UNC5B: variants seen among roughly 807,000 people sequenced by gnomAD.
UNC5B encodes the protein netrin receptor UNC5B.
Under a neutral mutation model 103.7 loss-of-function variants are expected in UNC5B, and 56 were observed. That is an observed-to-expected ratio of 0.54 (90% CI 0.44 to 0.67). The LOEUF (loss-of-function observed/expected upper bound fraction) is 0.67, where lower values mean the gene tolerates loss of function less well. Among genes scored for constraint, UNC5B ranks in the 30% least tolerant of loss-of-function variants. The probability of loss-of-function intolerance (pLI) is 0.00; values close to 1 mark genes in which losing one functional copy is unlikely to be tolerated. For missense variants in UNC5B, 1,194 were observed against 1,284.5 expected, an observed-to-expected ratio of 0.93 and a Z score of 1.08; for synonymous variants, 577 against 542.0, an observed-to-expected ratio of 1.06 and a Z score of -0.90.
At chr10:71,290,311 G>A (rs903531980) in intron 8 of UNC5B, among the ~76,000 whole-genome samples, 2 of 152,224 alleles carry the variant, frequency 1.3e-5, no homozygotes, top group East Asian at 3.9e-4. Context: ...GGGGAGGAAA[G>A]TGTAGCCGTG....
intron 1 of UNC5B, among the ~76,000 whole-genome samples, chr10:71,226,371 A>C (rs1843564767): frequency 6.6e-6 from 1 of 152,220 alleles, no homozygotes; most frequent in Non-Finnish European, 1.5e-5. Flanking sequence ...CACCTCGCCC[A>C]GCCCATAAGC....
At chr10:71,273,243 A>G (rs1844689296) in intron 1 of UNC5B, among the ~76,000 whole-genome samples, 1 of 152,254 alleles carries the variant, frequency 6.6e-6, no homozygotes, top group Admixed American at 6.5e-5. Flanking sequence ...GACCTTTCAC[A>G]GCAATACCCC....
rs112205244 is a variant in UNC5B at position 71,291,614 on chromosome 10, G to A, written c.1477G>A (p.Gly493Arg). 42 of 1,614,068 alleles carry A rather than the reference G, an allele frequency of 2.6e-5. No individual in the cohort carries two copies. In the African/African-American group the frequency reaches 4.1e-4, roughly 16 times the overall value. ...CTACAGCTCCAGCACCACGGGCTCTGGGCCAGGCCTGGCAGATGGGGCTGA... is the reference window on the plus strand; with the variant it reads ...CTACAGCTCCAGCACCACGGGCTCTAGGCCAGGCCTGGCAGATGGGGCTGA... ...KVYSSSTTGS[G>R]PGLADGADLL... The change falls in exon 10 of 17, where the codon GGG becomes AGG. Residue 493 changes from glycine (G) to arginine (R), a missense_variant. Gly to Arg is a moderately radical substitution (Grantham distance 125). Coordinates refer to ENST00000335350, the MANE Select transcript of UNC5B (RefSeq NM_170744.5).
chr10:71,226,719 T>C (rs1843571563), intron 1 of UNC5B, among the ~76,000 whole-genome samples: 4 of 152,240 alleles, frequency 2.6e-5, no homozygotes, highest in Admixed American at 6.5e-5. Flanking sequence ...CAAGAGTGGT[T>C]CCAAATGAAT....
intron 1 of UNC5B, among the ~76,000 whole-genome samples, chr10:71,237,449 T>C (rs1306942532): frequency 6.6e-6 from 1 of 152,226 alleles, no homozygotes; most frequent in Non-Finnish European, 1.5e-5. Flanking sequence ...TTGGTTAGCC[T>C]GGGTCTGAAA....
intron 5 of UNC5B, 80 bp downstream of exon 5, chr10:71,286,949 A>T (rs1845105199): frequency 1.3e-6 from 2 of 1,542,466 alleles, no homozygotes; most frequent in East Asian, 4.5e-5. Flanking sequence ...GGACCCCTGG[A>T]TTGGTAGGGA....
rs370515915 is a variant in UNC5B at position 71,295,860 on chromosome 10, C to T, written c.2225C>T (p.Pro742Leu). The change falls in exon 14 of 17, where the codon CCG becomes CTG. Residue 742 changes from proline to leucine, a missense_variant. Coordinates refer to ENST00000335350, the MANE Select transcript of UNC5B (RefSeq NM_170744.5). ...CTGGGCGGATACTTGGTGGAGGAGCCGAAACCGCTAATGTTCAAGGACAGT... is the reference window on the plus strand; with the variant it reads ...CTGGGCGGATACTTGGTGGAGGAGCTGAAACCGCTAATGTTCAAGGACAGT... ...RTLGGYLVEE[P>L]KPLMFKDSYH... 2.6e-5 allele frequency: 42 copies of T among 1,613,096 alleles called. 1 individual carries two copies. The highest frequency in any genetic ancestry group is 1.9e-4 in the Middle Eastern group (1 of 5,152).
intron 11 of UNC5B, 43 bp from the exon 12 acceptor site, chr10:71,293,362 C>G (rs368024518): frequency 5.1e-6 from 8 of 1,568,338 alleles, no homozygotes; most frequent in Non-Finnish European, 6.9e-6. Flanking sequence ...GCACCTTTGC[C>G]GAGCTCTTCA....
intron 1 of UNC5B, among the ~76,000 whole-genome samples, chr10:71,251,875 C>T (rs1564716999): frequency 6.6e-6 from 1 of 152,198 alleles, no homozygotes; most frequent in African/African-American, 2.4e-5. Flanking sequence ...GAGATGTATA[C>T]CTCAAGTCAT....
chr10:71,297,942 G>C lies in UNC5B; in HGVS notation c.2524G>C (p.Ala842Pro). 6.2e-7 allele frequency: 1 copy of C among 1,613,694 alleles called. No homozygotes were observed. The highest frequency in any genetic ancestry group is 1.1e-5 in the South Asian group (1 of 91,030). Reference sequence around the variant, plus strand: ...TGGCTCCCTGGACACTCTCTGCTCTGCCCCTGGCAGCACTGTCACCACCCA... The same window carrying C: ...TGGCTCCCTGGACACTCTCTGCTCTCCCCCTGGCAGCACTGTCACCACCCA... ...PAGSLDTLCSAPGSTVTTQLG... is the reference protein window; with the variant it reads ...PAGSLDTLCSPPGSTVTTQLG... The change falls in exon 16 of 17, where the codon GCC becomes CCC. Residue 842 changes from alanine (A) to proline (P), a missense_variant. By Grantham distance (27) the Ala-to-Pro change is conservative. Transcript: ENST00000335350.
chr10:71,248,326 G>A (rs1844086202), intron 1 of UNC5B, among the ~76,000 whole-genome samples: 2 of 152,092 alleles, frequency 1.3e-5, no homozygotes, highest in Non-Finnish European at 2.9e-5. Context: ...AGCCTATACG[G>A]CCAGGAGGGA....
chr10:71,279,150 G>A (rs1844848361), intron 1 of UNC5B, among the ~76,000 whole-genome samples: 1 of 152,234 alleles, frequency 6.6e-6, no homozygotes, highest in Admixed American at 6.5e-5. Flanking sequence ...GGGAAGAAGA[G>A]GCCAAGGGAT....
At chr10:71,275,607 C>A (rs778910409) in intron 1 of UNC5B, among the ~76,000 whole-genome samples, 9 of 152,152 alleles carry the variant, frequency 5.9e-5, no homozygotes, top group African/African-American at 2.2e-4. Flanking sequence ...TGCCCCCTAG[C>A]GGTGCCACTT....
chr10:71,285,271 C>A, intron 3 of UNC5B, 55 bp from the exon 4 acceptor site: 1 of 1,523,034 alleles, frequency 6.6e-7, no homozygotes, highest in Non-Finnish European at 9.0e-7. Context: ...TGTAGCACAT[C>A]AGGTTCTGAT....
intron 16 of UNC5B, among the ~76,000 whole-genome samples, chr10:71,298,732 G>A (rs923260865): frequency 6.6e-6 from 1 of 152,110 alleles, no homozygotes; most frequent in Non-Finnish European, 1.5e-5. Context: ...GAGGGAACAC[G>A]GGTGGGAGGA....
Position 71,291,494 on chromosome 10 carries a change from C to T in UNC5B, c.1357C>T (p.Arg453Cys), listed in dbSNP as rs147084648. The T allele has an allele frequency of 5.2e-5, 84 of 1,613,974 alleles. No individual in the cohort carries two copies. The highest frequency in any genetic ancestry group is 4.7e-4 in the East Asian group (21 of 44,888). ...PDLTASAGIY[R>C]GPVYALQDST... Reference sequence around the variant, plus strand: ...CCTGACAGCCAGCGCCGGCATCTACCGCGGACCCGTGTATGCCCTGCAGGA... The same window carrying T: ...CCTGACAGCCAGCGCCGGCATCTACTGCGGACCCGTGTATGCCCTGCAGGA... The change falls in exon 10 of 17, where the codon CGC (arginine) becomes TGC (cysteine). Residue 453 changes from arginine (R) to cysteine (C), a missense_variant. Transcript: ENST00000335350.
rs1438939757 is a variant in UNC5B at position 71,299,311 on chromosome 10, A to C, written c.*34A>C. On this transcript the variant is annotated 3_prime_UTR_variant, in exon 17 of 17. Transcript: ENST00000335350. Reference sequence around the variant, plus strand: ...GGACAGCGGGCTGGCAGGGACTGGCAGGAGGCAGGTGCAGGGAGGCCTGGG... The same window carrying C: ...GGACAGCGGGCTGGCAGGGACTGGCCGGAGGCAGGTGCAGGGAGGCCTGGG... The C allele has an allele frequency of 1.2e-6, 2 of 1,610,898 alleles. No individual in the cohort carries two copies. The highest frequency in any genetic ancestry group is 3.3e-5 in the Admixed American group (2 of 59,966).
At chr10:71,268,388 G>A (rs997218488) in intron 1 of UNC5B, among the ~76,000 whole-genome samples, 2 of 152,240 alleles carry the variant, frequency 1.3e-5, no homozygotes, top group African/African-American at 2.4e-5. Context: ...GAGTGACGCT[G>A]CAGCCACAGA....
chr10:71,291,942 A>C, intron 10 of UNC5B, 121 bp downstream of exon 10: 1 of 1,376,976 alleles, frequency 7.3e-7, no homozygotes, highest in African/African-American at 1.5e-5. Flanking sequence ...GGGGAAAGGG[A>C]GGCCTGAAGG....
Sources: allele counts gnomAD v4.1 joint callset (sites outside exome capture counted in the v4.1 genomes callset), GRCh38; gene constraint gnomAD v4.1.1; transcripts MANE v1.5; gene names NCBI Gene and HGNC (gene_info 2026-07-23, HGNC 2026-07-21).